The following USP25 variants were observed in gnomAD, a reference collection of about 807,000 sequenced individuals.
The protein encoded by USP25 is ubiquitin specific peptidase 25.
USP25 carries 85 observed loss-of-function variants against 158.5 expected under a neutral mutation model. The observed-to-expected ratio is 0.54, with a 90% CI of 0.45 to 0.64. USP25 has a LOEUF of 0.64. USP25 is among the 30% of genes least tolerant of loss of function. The probability of loss-of-function intolerance (pLI) is 0.00; values close to 1 mark genes in which losing one functional copy is unlikely to be tolerated. For synonymous variants in USP25, 464 were observed against 460.4 expected (o/e 1.01, Z -0.10); for missense variants, 1,242 against 1,327.3 (o/e 0.94, Z 1.00).
chr21:15,824,695 C>T (rs1474199355), intron 11 of USP25, among the ~76,000 whole-genome samples: 1 of 152,146 alleles, frequency 6.6e-6, no homozygotes, highest in Non-Finnish European at 1.5e-5. Context: ...TGGCTCACTG[C>T]AAACACCATC....
intron 20 of USP25, among the ~76,000 whole-genome samples, chr21:15,862,379 T>G (rs2039462789): frequency 6.6e-6 from 1 of 151,940 alleles, no homozygotes; most frequent in Admixed American, 6.6e-5. Flanking sequence ...CATTCCAAAA[T>G]CTGAAAAAAA....
At chr21:15,788,008 A>T (rs914666536) in intron 4 of USP25, among the ~76,000 whole-genome samples, 9 of 150,910 alleles carry the variant, frequency 6.0e-5, no homozygotes, top group African/African-American at 2.2e-4. Context: ...GAAGGAAAAG[A>T]CGCAGCAAAA....
At chr21:15,740,641 GTTTT>G (rs60616271) in intron 1 of USP25, among the ~76,000 whole-genome samples, 1 of 41,240 alleles carries the variant, frequency 2.4e-5, no homozygotes, top group Non-Finnish European at 7.4e-5. Context: ...CTTTCTGGCT[GTTTT>G]TTTTTTTTTT....
At chr21:15,857,458 A>AG (rs2039208762) in intron 20 of USP25, among the ~76,000 whole-genome samples, 1 of 152,176 alleles carries the variant, frequency 6.6e-6, no homozygotes, top group African/African-American at 2.4e-5. Context: ...GCCTAAAAAA[A>AG]GACATTAAAA....
chr21:15,833,332 G>T lies in USP25; in HGVS notation c.1994-16G>T. 1 of 1,597,756 alleles carries T rather than the reference G, an allele frequency of 6.3e-7. No homozygotes were observed. The highest frequency in any genetic ancestry group is 1.1e-5 in the South Asian group (1 of 87,034). On this transcript the variant is annotated splice_polypyrimidine_tract_variant and intron_variant, in intron 16 of 25. Coordinates refer to ENST00000400183, the MANE Select transcript of USP25 (RefSeq NM_001283041.3). ...AATTCTTAATTTTATACTAGTTTTTGAAATATGATTTGCAGAGGAGTTTAA... is the reference window on the plus strand; with the variant it reads ...AATTCTTAATTTTATACTAGTTTTTTAAATATGATTTGCAGAGGAGTTTAA...
intron 18 of USP25, among the ~76,000 whole-genome samples, chr21:15,847,104 G>T (rs868006895): frequency 1.2e-4 from 18 of 151,988 alleles, no homozygotes; most frequent in African/African-American, 4.4e-4. Flanking sequence ...ATATTAACTG[G>T]ATACACAATT....
At chr21:15,752,190 C>T (rs1009548325) in intron 1 of USP25, among the ~76,000 whole-genome samples, 25 of 151,908 alleles carry the variant, frequency 1.6e-4, no homozygotes, top group South Asian at 4.2e-4. Context: ...GCCTCGGCCT[C>T]GCAAAGTGTT....
chr21:15,836,584 T>C (rs1048171276), intron 17 of USP25, among the ~76,000 whole-genome samples: 1 of 39,812 alleles, frequency 2.5e-5, no homozygotes, highest in African/African-American at 1.1e-4. Flanking sequence ...CATTCTTTGC[T>C]GTCAGTGTGG....
chr21:15,752,875 T>A (rs778521994), intron 1 of USP25, among the ~76,000 whole-genome samples: 1 of 152,156 alleles, frequency 6.6e-6, no homozygotes, highest in Non-Finnish European at 1.5e-5. Context: ...TCCAAAAAGA[T>A]TGAGAAAAAC....
intron 5 of USP25, among the ~76,000 whole-genome samples, chr21:15,799,019 T>C (rs932314565): frequency 2.6e-5 from 4 of 151,320 alleles, no homozygotes; most frequent in Non-Finnish European, 5.9e-5. Context: ...TACACAAGTG[T>C]GTAAAATATC....
intron 6 of USP25, 150 bp from the exon 7 acceptor site, chr21:15,804,971 A>G: frequency 5.1e-6 from 4 of 790,328 alleles, no homozygotes; most frequent in Non-Finnish European, 7.2e-6. Context: ...CCAACACTCT[A>G]CTTTCTTCAA....
chr21:15,767,738 A>G (rs1055064699), intron 3 of USP25, among the ~76,000 whole-genome samples: 1 of 152,106 alleles, frequency 6.6e-6, no homozygotes, highest in African/African-American at 2.4e-5. Flanking sequence ...TGAAGCAAGC[A>G]GGAAATTGAC....
intron 17 of USP25, among the ~76,000 whole-genome samples, chr21:15,837,938 A>G (rs1452765400): frequency 6.6e-6 from 1 of 151,498 alleles, no homozygotes; most frequent in Non-Finnish European, 1.5e-5. Context: ...ACTAGGTGAT[A>G]TTCTTTTTTT....
chr21:15,853,781 T>G (rs996925030), intron 20 of USP25, among the ~76,000 whole-genome samples: 7 of 151,336 alleles, frequency 4.6e-5, no homozygotes, highest in Admixed American at 6.6e-5. Flanking sequence ...TAAATGAATT[T>G]GAGAGCTTTC....
intron 1 of USP25, chr21:15,744,318 GT>G: frequency 6.6e-6 from 1 of 151,150 alleles, no homozygotes; most frequent in Non-Finnish European, 1.5e-5. Flanking sequence ...TAGGGTCTGC[GT>G]TTTTTTGTTG....
intron 1 of USP25, among the ~76,000 whole-genome samples, chr21:15,758,025 A>G (rs959345510): frequency 7.2e-5 from 11 of 152,198 alleles, no homozygotes; most frequent in African/African-American, 2.7e-4. Flanking sequence ...AAATAGTTGT[A>G]TGTGTAACTG....
At chr21:15,796,077 A>G (rs2146234060) in intron 5 of USP25, among the ~76,000 whole-genome samples, 1 of 151,668 alleles carries the variant, frequency 6.6e-6, no homozygotes, top group African/African-American at 2.4e-5. Context: ...GCTTTTCAAA[A>G]TTCACATATT....
chr21:15,792,123 G>T (rs2035621086), intron 5 of USP25, among the ~76,000 whole-genome samples: 1 of 151,618 alleles, frequency 6.6e-6, no homozygotes, highest in Non-Finnish European at 1.5e-5. Context: ...GTATAGATTT[G>T]CAAATCTGAG....
At chr21:15,824,290 T>TA in intron 11 of USP25, 124 bp downstream of exon 11, 2 of 1,097,530 alleles carry the variant, frequency 1.8e-6, no homozygotes, top group Non-Finnish European at 2.5e-6. Flanking sequence ...ATATACCTAA[T>TA]ACCATTTGTC....
Sources: gnomAD v4.1 joint callset for allele counts (sites outside exome capture counted in the v4.1 genomes callset) on GRCh38, gnomAD v4.1.1 for gene constraint, MANE v1.5 for transcripts, NCBI Gene and HGNC (gene_info 2026-07-23, HGNC 2026-07-21) for gene names.